Variants in KCNJ6 observed in about 807,000 individuals in gnomAD.
KCNJ6 encodes potassium inwardly rectifying channel subfamily J member 6.
In KCNJ6, 9 loss-of-function variants were observed where a neutral mutation model predicts 34.2. That is an observed-to-expected ratio of 0.26 (90% CI 0.16 to 0.46). The LOEUF is 0.46. KCNJ6 is among the 20% of genes least tolerant of loss of function. KCNJ6 has a pLI of 1.00. For synonymous variants in KCNJ6, 196 were observed against 207.1 expected (o/e 0.95, Z 0.46); for missense variants, 236 against 531.3 (o/e 0.44, Z 5.46).
intron 3 of KCNJ6, among the ~76,000 whole-genome samples, chr21:37,655,227 GA>G (rs2054456564): frequency 8.4e-3 from 14 of 1,674 alleles, no homozygotes; most frequent in African/African-American, 0.045. Context: ...GTGTGTGTGA[GA>G]GAGAGAGAGA....
intron 2 of KCNJ6, among the ~76,000 whole-genome samples, chr21:37,776,025 A>C (rs2055140507): frequency 6.6e-6 from 1 of 152,048 alleles, no homozygotes; most frequent in Non-Finnish European, 1.5e-5. Context: ...CTTTTATTTC[A>C]TTGAGCAGTG....
At chr21:37,855,099 C>T (rs530229374) in intron 1 of KCNJ6, among the ~76,000 whole-genome samples, 1 of 152,320 alleles carries the variant, frequency 6.6e-6, no homozygotes, top group South Asian at 2.1e-4. Context: ...AGACAGACCT[C>T]AACAAAAGAA....
At chr21:37,677,741 CATAT>C (rs2054571143) in intron 3 of KCNJ6, among the ~76,000 whole-genome samples, 1 of 151,828 alleles carries the variant, frequency 6.6e-6, no homozygotes, top group African/African-American at 2.4e-5. Context: ...CTTCCTCACC[CATAT>C]ACCCACCCAC....
intron 3 of KCNJ6, among the ~76,000 whole-genome samples, chr21:37,684,246 G>A (rs978911563): frequency 2.6e-5 from 4 of 152,130 alleles, no homozygotes; most frequent in Non-Finnish European, 5.9e-5. Flanking sequence ...GGTTATGGTA[G>A]TTGCTGGCGA....
intron 3 of KCNJ6, among the ~76,000 whole-genome samples, chr21:37,655,270 AGAGAGAGAGAGAGAGT>A (rs1358570387): frequency 0.02 from 1,776 of 87,606 alleles, 45 homozygotes; most frequent in African/African-American, 0.076. Flanking sequence ...AGAGAGAGAG[AGAGAGAGAGAGAGAGT>A]GTAACCATGA....
rs2054248476 is a variant in KCNJ6, at chr21:37,613,036, A to G, written c.*12123T>C. The G allele has an allele frequency of 6.6e-6, 1 of 152,176 alleles. No individual in the cohort carries two copies. Among genetic ancestry groups the G allele is most frequent in the Admixed American group, 6.5e-5 (1 of 15,274 alleles). 9.4% of individuals were successfully genotyped at this position (152,176 alleles called of 1,614,324 possible). ...GACTGGGAGAAAATATTTACAGAAG[A>G]CACATCTGATAAAGAATTATTATCT... On this transcript the variant is annotated 3_prime_UTR_variant, in exon 4 of 4. Coordinates refer to ENST00000609713, the MANE Select transcript of KCNJ6 (RefSeq NM_002240.5).
intron 3 of KCNJ6, among the ~76,000 whole-genome samples, chr21:37,667,290 G>T (rs2054519335): frequency 1.3e-5 from 2 of 151,650 alleles, no homozygotes; most frequent in South Asian, 2.1e-4. Context: ...CCAGGCCAGG[G>T]TTCCACATTT....
At chr21:37,894,040 A>G (rs1182221718) in intron 1 of KCNJ6, among the ~76,000 whole-genome samples, 1 of 152,240 alleles carries the variant, frequency 6.6e-6, no homozygotes, top group Non-Finnish European at 1.5e-5. Flanking sequence ...GTCACCCTCC[A>G]TCACTTATAA....
chr21:37,863,358 A>G (rs1472570623), intron 1 of KCNJ6, among the ~76,000 whole-genome samples: 1 of 152,176 alleles, frequency 6.6e-6, no homozygotes, highest in Non-Finnish European at 1.5e-5. Flanking sequence ...CCCATATGCT[A>G]TACCCTCAGC....
chr21:37,702,572 G>A (rs1416138618), intron 3 of KCNJ6, among the ~76,000 whole-genome samples: 1 of 152,190 alleles, frequency 6.6e-6, no homozygotes, highest in Non-Finnish European at 1.5e-5. Flanking sequence ...GGTTGTACAA[G>A]CTTGTTAGGC....
intron 3 of KCNJ6, among the ~76,000 whole-genome samples, chr21:37,650,787 C>T (rs1159148391): frequency 2.6e-5 from 4 of 152,208 alleles, no homozygotes; most frequent in Admixed American, 1.3e-4. Context: ...CAGTCTCTGG[C>T]GTTTAGTAAA....
intron 2 of KCNJ6, among the ~76,000 whole-genome samples, chr21:37,744,594 T>G (rs1245981450): frequency 1.3e-5 from 2 of 152,154 alleles, no homozygotes; most frequent in Non-Finnish European, 2.9e-5. Context: ...ATGGTAATAA[T>G]TCAAGTAAGA....
intron 3 of KCNJ6, among the ~76,000 whole-genome samples, chr21:37,689,806 G>A (rs895903073): frequency 3.3e-5 from 5 of 151,808 alleles, no homozygotes; most frequent in Non-Finnish European, 5.9e-5. Context: ...GGACGTGGTG[G>A]GCTGGGACTT....
At chr21:37,641,422 G>T (rs924744495) in intron 3 of KCNJ6, among the ~76,000 whole-genome samples, 1 of 152,006 alleles carries the variant, frequency 6.6e-6, no homozygotes, top group Admixed American at 6.6e-5. Flanking sequence ...CTGAGAATCC[G>T]AATAAATATA....
chr21:37,899,911 T>G (rs921926563), intron 1 of KCNJ6, among the ~76,000 whole-genome samples: 4 of 152,226 alleles, frequency 2.6e-5, no homozygotes. Flanking sequence ...TGTTAATTCC[T>G]CCTTTACAAC....
intron 3 of KCNJ6, among the ~76,000 whole-genome samples, chr21:37,696,752 CT>C (rs2054665317): frequency 6.6e-6 from 1 of 152,158 alleles, no homozygotes; most frequent in Non-Finnish European, 1.5e-5. Context: ...ACTGTCTTCA[CT>C]TTTACATAAC....
At chr21:37,812,398 A>T (rs2055327434) in intron 2 of KCNJ6, among the ~76,000 whole-genome samples, 1 of 152,184 alleles carries the variant, frequency 6.6e-6, no homozygotes, top group Non-Finnish European at 1.5e-5. Context: ...TGGCACTAGA[A>T]CTGGGAATTT....
At chr21:37,829,518 G>T (rs974158104) in intron 2 of KCNJ6, among the ~76,000 whole-genome samples, 1 of 152,138 alleles carries the variant, frequency 6.6e-6, no homozygotes, top group Non-Finnish European at 1.5e-5. Context: ...CCTGCTGCTG[G>T]GTGTGTGGGG....
chr21:37,703,043 G>A (rs2054699621), intron 3 of KCNJ6, among the ~76,000 whole-genome samples: 1 of 152,188 alleles, frequency 6.6e-6, no homozygotes, highest in African/African-American at 2.4e-5. Flanking sequence ...CTTTCTAGAA[G>A]TCCTGAGAGA....
Sources: gnomAD v4.1 joint callset for allele counts (sites outside exome capture counted in the v4.1 genomes callset) on GRCh38, gnomAD v4.1.1 for gene constraint, MANE v1.5 for transcripts, NCBI Gene and HGNC (gene_info 2026-07-23, HGNC 2026-07-21) for gene names.